The following ANKS1B variants were observed in gnomAD, a reference collection of about 807,000 sequenced individuals.
The protein encoded by ANKS1B is ankyrin repeat and sterile alpha motif domain-containing protein 1B.
In ANKS1B, 36 loss-of-function variants were observed where a neutral mutation model predicts 148.3. The observed-to-expected ratio is 0.24, with a 90% CI of 0.19 to 0.32. The LOEUF (loss-of-function observed/expected upper bound fraction) is 0.32, where lower values mean the gene tolerates loss of function less well. Among genes scored for constraint, ANKS1B ranks in the 10% least tolerant of loss-of-function variants. The pLI, the probability that ANKS1B is intolerant of heterozygous loss-of-function variation, is 1.00. For synonymous variants in ANKS1B, 542 were observed against 560.8 expected (o/e 0.97, Z 0.47); for missense variants, 1,157 against 1,542.6 (o/e 0.75, Z 4.19).
intron 17 of ANKS1B, among the ~76,000 whole-genome samples, chr12:98,850,118 T>A (rs2099514181): frequency 6.6e-6 from 1 of 152,100 alleles, no homozygotes; most frequent in African/African-American, 2.4e-5. Flanking sequence ...GACAACCCCA[T>A]GACACACTAT....
At chr12:99,638,499 T>C (rs922596601) in intron 9 of ANKS1B, among the ~76,000 whole-genome samples, 1 of 152,142 alleles carries the variant, frequency 6.6e-6, no homozygotes, top group Non-Finnish European at 1.5e-5. Context: ...CCTAGAGATT[T>C]GTAGAACTTT....
At chr12:99,083,711 C>T (rs2050634770) in intron 16 of ANKS1B, 1 of 152,134 alleles carries the variant, frequency 6.6e-6, no homozygotes, top group Non-Finnish European at 1.5e-5. Context: ...CATTGTTGTA[C>T]AAATCCCATT....
At chr12:99,634,817 C>T (rs2098216238) in intron 9 of ANKS1B, among the ~76,000 whole-genome samples, 1 of 152,134 alleles carries the variant, frequency 6.6e-6, no homozygotes, top group Non-Finnish European at 1.5e-5. Flanking sequence ...GGGACACAAT[C>T]AACAGAGTAA....
chr12:99,527,678 C>T (rs141250613), intron 9 of ANKS1B, among the ~76,000 whole-genome samples: 1,545 of 152,160 alleles, frequency 0.01, 13 homozygotes, highest in Middle Eastern at 0.054. Flanking sequence ...CCCAACTCTG[C>T]CTTTTTTAAC....
intron 9 of ANKS1B, among the ~76,000 whole-genome samples, chr12:99,554,114 T>C (rs1020383848): frequency 2.0e-5 from 3 of 152,154 alleles, no homozygotes; most frequent in East Asian, 1.9e-4. Context: ...GAAGGGCTCA[T>C]CTAAGCAATA....
chr12:99,399,877 T>C lies in ANKS1B; in HGVS notation c.1576-66A>G, dbSNP rs1012738540. ...GTTCATCTTCAGCCCAATCTCCCCA[T>C]CAATTTAATCTAAGTGATAATTTTT... On this transcript the variant is annotated intron_variant, in intron 11 of 26. Coordinates refer to ENST00000683438, the MANE Select transcript of ANKS1B (RefSeq NM_001352186.2). 16 of 1,493,234 alleles carry C rather than the reference T, an allele frequency of 1.1e-5. No homozygotes were observed. In the African/African-American group the frequency reaches 1.7e-4, roughly 16 times the overall value. The allele number at this position is 1,493,234 out of a possible 1,614,324, so 92.5% of individuals were successfully genotyped here.
chr12:99,006,987 C>G (rs541738701), intron 17 of ANKS1B, among the ~76,000 whole-genome samples: 11 of 152,286 alleles, frequency 7.2e-5, no homozygotes, highest in African/African-American at 2.6e-4. Context: ...TGCCACTTCT[C>G]AACCACTCTG....
At chr12:99,947,397 C>T (rs1475681435) in intron 1 of ANKS1B, among the ~76,000 whole-genome samples, 2 of 151,832 alleles carry the variant, frequency 1.3e-5, no homozygotes, top group African/African-American at 4.8e-5. Flanking sequence ...ACCAGGGAGA[C>T]AGAGGCATGG....
intron 8 of ANKS1B, among the ~76,000 whole-genome samples, chr12:99,742,986 C>T (rs772212668): frequency 6.6e-6 from 1 of 152,158 alleles, no homozygotes; most frequent in African/African-American, 2.4e-5. Flanking sequence ...ATCTTCCTTT[C>T]TCTAAACTGG....
chr12:99,043,956 T>C (rs2099960691), intron 17 of ANKS1B, among the ~76,000 whole-genome samples: 1 of 152,256 alleles, frequency 6.6e-6, no homozygotes, highest in South Asian at 2.1e-4. Flanking sequence ...GGCTTTCCTT[T>C]CATCTGTCTT....
chr12:99,947,678 G>A (rs548036215), intron 1 of ANKS1B, among the ~76,000 whole-genome samples: 82 of 152,212 alleles, frequency 5.4e-4, no homozygotes, highest in African/African-American at 1.9e-3. Flanking sequence ...GAGCTTAGCT[G>A]GGGTCTCTGC....
intron 22 of ANKS1B, among the ~76,000 whole-genome samples, chr12:98,793,526 G>T (rs2098913134): frequency 6.6e-6 from 1 of 152,176 alleles, no homozygotes; most frequent in African/African-American, 2.4e-5. Context: ...CACAGCAAAG[G>T]AAACAACAGC....
At chr12:98,850,774 G>A (rs2099520169) in intron 17 of ANKS1B, among the ~76,000 whole-genome samples, 1 of 104,188 alleles carries the variant, frequency 9.6e-6, no homozygotes, top group South Asian at 4.0e-4. Context: ...GCCCAGAGAG[G>A]CAATTTTTAA....
At chr12:99,689,632 G>A (rs1426272268) in intron 8 of ANKS1B, among the ~76,000 whole-genome samples, 5 of 152,180 alleles carry the variant, frequency 3.3e-5, no homozygotes, top group Non-Finnish European at 7.3e-5. Context: ...GTAAGGATCA[G>A]GTCTGCTCAC....
At chr12:99,383,146 G>A (rs943680840) in intron 12 of ANKS1B, among the ~76,000 whole-genome samples, 33 of 152,118 alleles carry the variant, frequency 2.2e-4, no homozygotes, top group African/African-American at 3.1e-4. Flanking sequence ...CACAGCTAGC[G>A]TGAACATGGA....
intron 1 of ANKS1B, among the ~76,000 whole-genome samples, chr12:99,853,984 T>C (rs573406053): frequency 7.9e-5 from 12 of 152,166 alleles, no homozygotes. Flanking sequence ...ACTTCAGAGC[T>C]CAAAGACAAG....
chr12:99,160,068 GGT>G (rs2076488063), intron 14 of ANKS1B, among the ~76,000 whole-genome samples: 1 of 152,020 alleles, frequency 6.6e-6, no homozygotes, highest in African/African-American at 2.4e-5. Flanking sequence ...TTTTTAATGT[GGT>G]TATTTATTTT....
chr12:99,066,562 A>G (rs749593250), intron 16 of ANKS1B, among the ~76,000 whole-genome samples: 3 of 152,112 alleles, frequency 2.0e-5, no homozygotes, highest in Non-Finnish European at 2.9e-5. Context: ...TCTGAGGGAA[A>G]TGGGGAGTCA....
chr12:99,392,885 C>T (rs559868525), intron 12 of ANKS1B, among the ~76,000 whole-genome samples: 1 of 142,184 alleles, frequency 7.0e-6, no homozygotes, highest in East Asian at 2.5e-4. Flanking sequence ...ATCTACTCTA[C>T]ATATCTACTT....
Sources: allele counts gnomAD v4.1 joint callset (sites outside exome capture counted in the v4.1 genomes callset), GRCh38; gene constraint gnomAD v4.1.1; transcripts MANE v1.5; gene names NCBI Gene and HGNC (gene_info 2026-07-23, HGNC 2026-07-21).